SAMD3: variants seen among roughly 807,000 people sequenced by gnomAD.
The protein encoded by SAMD3 is sterile alpha motif domain containing 3.
In SAMD3, 63 loss-of-function variants were observed where a neutral mutation model predicts 58.5. The ratio of observed to expected loss-of-function variants is 1.08; its 90% CI spans 0.88 to 1.33. The LOEUF (loss-of-function observed/expected upper bound fraction) is 1.33. Among genes scored for constraint, SAMD3 ranks in the 40% most tolerant of loss-of-function variants. The pLI is 0.00. For synonymous variants in SAMD3, 220 were observed against 210.3 expected, an observed-to-expected ratio of 1.05 and a Z score of -0.40; for missense variants, 604 against 608.4, an observed-to-expected ratio of 0.99 and a Z score of 0.08.
chr6:130,145,097 T>C lies in SAMD3; in HGVS notation c.1278+243A>G, dbSNP rs373685647. 9.2e-5 allele frequency among the ~76,000 whole-genome samples: 14 copies of C among 151,974 alleles called. No homozygotes were observed. In the East Asian group the frequency reaches 2.5e-3, roughly 27 times the overall value. On this transcript the variant is annotated intron_variant, in intron 11 of 11. Coordinates refer to ENST00000439090, the MANE Select transcript of SAMD3 (RefSeq NM_001017373.4). ...CAACACCGTGAAACCCCGTCTCTAC[T>C]AAAATACAAAAATTAGCTGGGCGTG...
intron 8 of SAMD3, 120 bp from the exon 9 acceptor site, chr6:130,155,145 T>A (rs2114588999): frequency 1.5e-6 from 1 of 674,654 alleles, no homozygotes; most frequent in East Asian, 2.7e-5. Context: ...CTGGTTACAC[T>A]TGACATTGAG....
chr6:130,358,906 T>G (rs898665519), intron 1 of SAMD3, among the ~76,000 whole-genome samples: 11 of 152,224 alleles, frequency 7.2e-5, no homozygotes, highest in African/African-American at 2.7e-4. Flanking sequence ...CATGTTGTAA[T>G]TTAAGTAGTC....
At chr6:130,200,190 C>T (rs892249243) in intron 5 of SAMD3, among the ~76,000 whole-genome samples, 1 of 152,060 alleles carries the variant, frequency 6.6e-6, no homozygotes, top group African/African-American at 2.4e-5. Flanking sequence ...AGCCCTTTAT[C>T]TTATCTACTA....
intron 1 of SAMD3, among the ~76,000 whole-genome samples, chr6:130,317,287 G>T (rs1404383110): frequency 6.6e-6 from 1 of 152,136 alleles, no homozygotes; most frequent in African/African-American, 2.4e-5. Context: ...TGAACTGATG[G>T]CCAGTTCATG....
At chr6:130,217,792 C>T (rs961351145) in intron 1 of SAMD3, among the ~76,000 whole-genome samples, 26 of 152,304 alleles carry the variant, frequency 1.7e-4, no homozygotes, top group African/African-American at 4.8e-4. Flanking sequence ...CTTTATTCCT[C>T]TGAAGTCCAA....
At position 130,279,734 on chromosome 6, in the gene SAMD3, C is replaced by CT. The variant is rs535130355; in HGVS notation, c.-188+33243dup. 2.0e-4 allele frequency among the ~76,000 whole-genome samples: 30 copies of CT among 152,294 alleles called. No individual in the cohort carries two copies. The South Asian group carries it at 6.0e-3, about 30-fold the overall frequency. ...TCCTGACCTCAGGTGACCCACCCGCCTCGGCCTCCCAAAGTGATGGGATTA... is the reference window on the plus strand; with the variant it reads ...TCCTGACCTCAGGTGACCCACCCGCCTTCGGCCTCCCAAAGTGATGGGATTA... On this transcript the variant is annotated intron_variant, in intron 2 of 13. Coordinates refer to the SAMD3 transcript ENST00000368134.
At chr6:130,245,228 C>T (rs1490306537) in intron 2 of SAMD3, among the ~76,000 whole-genome samples, 1 of 152,188 alleles carries the variant, frequency 6.6e-6, no homozygotes, top group African/African-American at 2.4e-5. Flanking sequence ...GTTGTTTCTG[C>T]TGCCAAAGGC....
chr6:130,205,557 G>T (rs1049706255), intron 5 of SAMD3, among the ~76,000 whole-genome samples: 20 of 152,230 alleles, frequency 1.3e-4, no homozygotes, highest in Middle Eastern at 3.4e-3. Context: ...ACCCACCTCA[G>T]CCTCCCAGAG....
intron 1 of SAMD3, among the ~76,000 whole-genome samples, chr6:130,322,715 C>G (rs1776628173): frequency 6.6e-6 from 1 of 152,208 alleles, no homozygotes; most frequent in Admixed American, 6.5e-5. Context: ...AGGTGGAAAC[C>G]TAACAACCAT....
In SAMD3 at chr6:130,277,850, G is replaced by A. The variant is rs147964655; in HGVS notation, c.-188+35128C>T. ...AAGCTGTCTCTGTTCATTCCTGGGT[G>A]TAGGGTGAATTAACTTTGGGAGGAA... On this transcript the variant is annotated intron_variant, in intron 2 of 13. Transcript: ENST00000368134. Among the ~76,000 whole-genome samples the A allele has an allele frequency of 2.0e-3, 305 of 152,258 alleles. 2 individuals are homozygous for A. Among genetic ancestry groups the A allele is most frequent in the Non-Finnish European group, 3.2e-3 (216 of 68,020 alleles).
At chr6:130,349,518 G>A (rs750989018) in intron 1 of SAMD3, among the ~76,000 whole-genome samples, 21 of 152,062 alleles carry the variant, frequency 1.4e-4, no homozygotes, top group African/African-American at 3.4e-4. Context: ...AGACTAAACC[G>A]GGAAGAAGTT....
intron 5 of SAMD3, among the ~76,000 whole-genome samples, chr6:130,197,868 C>T (rs934369718): frequency 6.6e-6 from 1 of 152,192 alleles, no homozygotes; most frequent in African/African-American, 2.4e-5. Context: ...CTGTGGCCTG[C>T]ACGTACACAT....
chr6:130,159,715 C>G (rs1283415510), intron 8 of SAMD3: 1 of 152,002 alleles, frequency 6.6e-6, no homozygotes, highest in African/African-American at 2.4e-5. Flanking sequence ...AGGCAAGGCA[C>G]AAACTGTGAG....
At chr6:130,306,261 T>C (rs1444135593) in intron 2 of SAMD3, among the ~76,000 whole-genome samples, 3 of 152,218 alleles carry the variant, frequency 2.0e-5, no homozygotes, top group Non-Finnish European at 4.4e-5. Flanking sequence ...CAGAAAAATA[T>C]AGGATCATTT....
chr6:130,181,287 C>T (rs1481313616), intron 7 of SAMD3, among the ~76,000 whole-genome samples: 1 of 152,132 alleles, frequency 6.6e-6, no homozygotes, highest in Non-Finnish European at 1.5e-5. Context: ...AAACTTAGCC[C>T]TAAAAATAAC....
chr6:130,214,287 A>G, intron 4 of SAMD3, 50 bp downstream of exon 4: 1 of 1,446,922 alleles, frequency 6.9e-7, no homozygotes. Flanking sequence ...TCTAGCCATC[A>G]TTGGGAAAGC....
rs1788431861 is a variant in SAMD3, at chr6:130,144,455, AAAC to A, written c.*62_*64del. The A allele has an allele frequency of 6.6e-7, 1 of 1,524,802 alleles. No homozygotes were observed. The highest frequency in any genetic ancestry group is 1.4e-5 in the African/African-American group (1 of 72,108). The allele number at this position is 1,524,802 out of a possible 1,614,324, so 94.5% of individuals were successfully genotyped here. A position where few individuals can be genotyped will look rare whatever the true frequency, so the allele number is the denominator to read the frequency against. ...CTACCTCTACCACAACCCTAAATCA[AAAC>A]AATTTCTTATGAAGCTTCAGTTTTC... On this transcript the variant is annotated 3_prime_UTR_variant, in exon 12 of 12. Transcript: ENST00000439090.
intron 2 of SAMD3, among the ~76,000 whole-genome samples, chr6:130,234,950 T>C (rs1796642550): frequency 6.6e-6 from 1 of 152,078 alleles, no homozygotes; most frequent in Non-Finnish European, 1.5e-5. Context: ...CTGTTTCTAC[T>C]AGAAATAAAA....
At chr6:130,301,069 G>A (rs949375969) in intron 2 of SAMD3, among the ~76,000 whole-genome samples, 36 of 152,196 alleles carry the variant, frequency 2.4e-4, no homozygotes, top group African/African-American at 6.0e-4. Flanking sequence ...AACATGCGGC[G>A]TTTGGTTTTC....
Sources: allele counts gnomAD v4.1 joint callset (sites outside exome capture counted in the v4.1 genomes callset), GRCh38; gene constraint gnomAD v4.1.1; transcripts MANE v1.5; gene names NCBI Gene and HGNC (gene_info 2026-07-23, HGNC 2026-07-21).